JAZF1: variants seen among roughly 807,000 people sequenced by gnomAD.
The protein encoded by JAZF1 is juxtaposed with another zinc finger protein 1.
Under a neutral mutation model 26.4 loss-of-function variants are expected in JAZF1, and 8 were observed. The observed-to-expected ratio is 0.30, with a 90% confidence interval of 0.18 to 0.55. The LOEUF is 0.55. JAZF1 is among the 20% of genes least tolerant of loss of function. The probability of loss-of-function intolerance (pLI) is 0.94; values close to 1 mark genes in which losing one functional copy is unlikely to be tolerated. For missense variants in JAZF1, 199 were observed against 322.0 expected, an observed-to-expected ratio of 0.62 and a Z score of 2.92; for synonymous variants, 126 against 122.3, an observed-to-expected ratio of 1.03 and a Z score of -0.20.
At position 27,917,940 on chromosome 7, in the gene JAZF1, T is replaced by G. The variant is rs112128250; in HGVS notation, c.189-22524A>C. Reference sequence around the variant, plus strand: ...TTTGGGCCACATGATGGTACTGCACTTCTTTGTTCCCCTTGAGGTTACATA... The same window carrying G: ...TTTGGGCCACATGATGGTACTGCACGTCTTTGTTCCCCTTGAGGTTACATA... On this transcript the variant is annotated intron_variant, in intron 2 of 4. Transcript: ENST00000283928. 1.5e-3 allele frequency among the ~76,000 whole-genome samples: 234 copies of G among 152,362 alleles called. 2 individuals carry two copies. Among genetic ancestry groups the G allele is most frequent in the African/African-American group, 5.0e-3 (208 of 41,596 alleles).
rs73299417 is a variant in JAZF1 at position 27,880,631 on chromosome 7, G to A, written c.385+14589C>T. On this transcript the variant is annotated intron_variant, in intron 3 of 4. Transcript: ENST00000283928. ...CTGGGTAACAGCAAGACTCCATCTC[G>A]GGGGATGGTGGGGAAAGGTTAACTA... Among the ~76,000 whole-genome samples, 669 of 152,166 alleles carry A rather than the reference G, an allele frequency of 4.4e-3. 3 individuals carry two copies. Among genetic ancestry groups the A allele is most frequent in the African/African-American group, 0.015 (623 of 41,524 alleles).
intron 1 of JAZF1, among the ~76,000 whole-genome samples, chr7:28,105,653 C>T (rs151063365): frequency 1.1e-4 from 16 of 152,238 alleles, no homozygotes; most frequent in African/African-American, 3.4e-4. Flanking sequence ...GGAAACTGAC[C>T]GATTTAAGAC....
chr7:28,094,732 T>C (rs1171144213), intron 1 of JAZF1, among the ~76,000 whole-genome samples: 2 of 152,330 alleles, frequency 1.3e-5, no homozygotes, highest in Middle Eastern at 3.4e-3. Flanking sequence ...CACTTATTCA[T>C]GTTTTGCTTA....
At chr7:27,906,628 T>C (rs1341160759) in intron 2 of JAZF1, among the ~76,000 whole-genome samples, 1 of 152,230 alleles carries the variant, frequency 6.6e-6, no homozygotes, top group African/African-American at 2.4e-5. Context: ...TTTGATTTAC[T>C]TTAGCCTGAA....
rs1782707856 is a variant in JAZF1 at position 27,831,791 on chromosome 7, T to C, written c.*1009A>G. ...TGAAACGTGCTTAGAATTTTAGTTC[T>C]GATTTGCAACCCACAGGTTTGGTAG... On this transcript the variant is annotated 3_prime_UTR_variant, in exon 5 of 5. Transcript: ENST00000283928. The C allele has an allele frequency of 1.4e-5, 3 of 221,830 alleles. No homozygotes were observed. The South Asian group carries it at 5.5e-4, about 41-fold the overall frequency. 13.7% of individuals were successfully genotyped at this position (221,830 alleles called of 1,614,324 possible). A position where few individuals can be genotyped will look rare whatever the true frequency, so the allele number is the denominator to read the frequency against.
intron 1 of JAZF1, among the ~76,000 whole-genome samples, chr7:28,176,651 C>G (rs1228775686): frequency 2.0e-5 from 3 of 151,942 alleles, no homozygotes; most frequent in African/African-American, 7.3e-5. Flanking sequence ...TTTTGTTAAC[C>G]AAAAAATATC....
intron 3 of JAZF1, among the ~76,000 whole-genome samples, chr7:27,866,393 T>C (rs1254362472): frequency 6.6e-6 from 1 of 152,170 alleles, no homozygotes; most frequent in East Asian, 1.9e-4. Flanking sequence ...GAGAGGCACT[T>C]GGGAGCAGGC....
At chr7:28,037,104 C>T (rs530356505) in intron 1 of JAZF1, among the ~76,000 whole-genome samples, 9 of 152,230 alleles carry the variant, frequency 5.9e-5, no homozygotes, top group South Asian at 4.1e-4. Flanking sequence ...GCAGAACTTG[C>T]TTAACTGTCC....
intron 3 of JAZF1, among the ~76,000 whole-genome samples, chr7:27,873,029 G>A (rs140856082): frequency 5.9e-5 from 9 of 152,194 alleles, no homozygotes; most frequent in East Asian, 1.9e-4. Flanking sequence ...ACATTCCAGC[G>A]TCTACAAAGT....
chr7:27,875,809 T>C (rs922746014), intron 3 of JAZF1, among the ~76,000 whole-genome samples: 8 of 152,266 alleles, frequency 5.3e-5, no homozygotes, highest in Non-Finnish European at 1.2e-4. Flanking sequence ...CTCAGATGTT[T>C]GTTCAGTATA....
At chr7:28,092,020 T>C (rs928002119) in intron 1 of JAZF1, among the ~76,000 whole-genome samples, 7 of 152,130 alleles carry the variant, frequency 4.6e-5, no homozygotes, top group Non-Finnish European at 7.4e-5. Flanking sequence ...CAACTTCTAG[T>C]GAGAAAAGGT....
chr7:28,099,749 T>C (rs1381482651), intron 1 of JAZF1, among the ~76,000 whole-genome samples: 1 of 152,200 alleles, frequency 6.6e-6, no homozygotes, highest in Non-Finnish European at 1.5e-5. Flanking sequence ...GTGCTGGGAT[T>C]ACAGGCACGA....
At chr7:27,958,095 C>T (rs1310124516) in intron 2 of JAZF1, among the ~76,000 whole-genome samples, 2 of 152,174 alleles carry the variant, frequency 1.3e-5, no homozygotes, top group African/African-American at 4.8e-5. Flanking sequence ...TATTAATTTA[C>T]TCATACATTT....
chr7:28,180,708 C>A lies in JAZF1; in HGVS notation c.-131G>T. 1 of 574,652 alleles carries A rather than the reference C, an allele frequency of 1.7e-6. No homozygotes were observed. Among genetic ancestry groups the A allele is most frequent in the Non-Finnish European group, 3.1e-6 (1 of 322,178 alleles). The allele number at this position is 574,652 out of a possible 1,614,324, so 35.6% of individuals were successfully genotyped here. A position where few individuals can be genotyped will look rare whatever the true frequency, so the allele number is the denominator to read the frequency against. ...GAGAGAGGCGGGGTGAGGGGAGCGG[C>A]GAGGACGGGACGGAGGGAGAGGGGG... On this transcript the variant is annotated 5_prime_UTR_variant, in exon 1 of 5. Coordinates refer to ENST00000283928, the MANE Select transcript of JAZF1 (RefSeq NM_175061.4).
At chr7:28,173,943 G>A (rs1783511431) in intron 1 of JAZF1, among the ~76,000 whole-genome samples, 1 of 145,822 alleles carries the variant, frequency 6.9e-6, no homozygotes, top group Non-Finnish European at 1.5e-5. Context: ...AGTGCTTACA[G>A]CGAGGGGAAA....
chr7:28,110,532 G>GAAAGGAAAAGGAAAAGGAAAAGGA (rs376047127), intron 1 of JAZF1, among the ~76,000 whole-genome samples: 1 of 35,546 alleles, frequency 2.8e-5, no homozygotes, highest in African/African-American at 8.2e-5. Context: ...AAAGGAAAAG[G>GAAAGGAAAAGGAAAAGGAAAAGGA]AAAGGAAAAG....
intron 3 of JAZF1, among the ~76,000 whole-genome samples, chr7:27,865,961 A>T (rs1783466172): frequency 6.6e-6 from 1 of 152,156 alleles, no homozygotes; most frequent in Non-Finnish European, 1.5e-5. Flanking sequence ...GCCACAAGTC[A>T]CTTGGGGCTG....
chr7:28,164,657 T>C (rs1783339449), intron 1 of JAZF1, among the ~76,000 whole-genome samples: 1 of 152,202 alleles, frequency 6.6e-6, no homozygotes, highest in African/African-American at 2.4e-5. Flanking sequence ...TGAAATAGTA[T>C]CTTCAGAGGT....
chr7:27,895,403 C>A lies in JAZF1; in HGVS notation c.202G>T (p.Ala68Ser). The change falls in exon 3 of 5, where the codon GCT becomes TCT. Residue 68 changes from alanine (A) to serine (S), a missense_variant. Physicochemically the swap from Ala to Ser is moderately conservative, Grantham distance 99. This residue lies in a region of JAZF1 where 137 missense variants were observed against 184.8 expected (regional missense o/e 0.74). Transcript: ENST00000283928. Reference sequence around the variant, plus strand: ...AGGGACTCCTGCTCTCGGCGGGCAGCATCTGTCATGAATCTGAAACAATAA... The same window carrying A: ...AGGGACTCCTGCTCTCGGCGGGCAGAATCTGTCATGAATCTGAAACAATAA... ...LSYINRFMTD[A>S]ARREQESLKK... is the part of the protein sequence containing the mutation. 6.2e-7 allele frequency: 1 copy of A among 1,600,662 alleles called. No homozygotes were observed. The highest frequency in any genetic ancestry group is 1.1e-5 in the South Asian group (1 of 88,870).
Sources: allele counts gnomAD v4.1 joint callset (sites outside exome capture counted in the v4.1 genomes callset), GRCh38; gene constraint gnomAD v4.1.1; regional missense constraint gnomAD v4.1.1; transcripts MANE v1.5; gene names NCBI Gene and HGNC (gene_info 2026-07-23, HGNC 2026-07-21).